The following TBC1D20 variants were observed in gnomAD, a reference collection of about 807,000 sequenced individuals.
The protein encoded by TBC1D20 is TBC1 domain family member 20, also known as chromosome 20 open reading frame 140.
A neutral mutation model predicts 41.6 loss-of-function variants in TBC1D20; 12 were observed. The observed-to-expected ratio is 0.29, with a 90% confidence interval of 0.18 to 0.47. The LOEUF (loss-of-function observed/expected upper bound fraction) is 0.47. TBC1D20 is among the 20% of genes least tolerant of loss of function. TBC1D20 has a pLI of 1.00. For missense variants in TBC1D20, 421 were observed against 517.4 expected (o/e 0.81, Z 1.81); for synonymous variants, 205 against 204.8 (o/e 1.00, Z -0.01).
chr20:444,491 C>A (rs1423077438), intron 3 of TBC1D20, among the ~76,000 whole-genome samples: 1 of 152,190 alleles, frequency 6.6e-6, no homozygotes, highest in East Asian at 1.9e-4. Context: ...AAAATTGAGA[C>A]AACGGTCCTT....
chr20:443,318 T>C (rs1021389493), intron 3 of TBC1D20, among the ~76,000 whole-genome samples: 1 of 152,084 alleles, frequency 6.6e-6, no homozygotes, highest in African/African-American at 2.4e-5. Flanking sequence ...TAGCTGGAAA[T>C]AGGGAAGCCT....
In TBC1D20 at chr20:462,496, G is replaced by T. The variant is rs1463073530; in HGVS notation, c.-91C>A. 4.2e-6 allele frequency: 3 copies of T among 707,406 alleles called. No individual in the cohort carries two copies. The highest frequency in any genetic ancestry group is 5.6e-6 in the Non-Finnish European group (3 of 537,602). 43.8% of individuals were successfully genotyped at this position (707,406 alleles called of 1,614,324 possible). On this transcript the variant is annotated 5_prime_UTR_variant, in exon 1 of 8. Coordinates refer to ENST00000354200, the MANE Select transcript of TBC1D20 (RefSeq NM_144628.4). ...CGACCGCGGGACGTAGCACCCGCTC[G>T]GCATCGGCAGGCTCCCCTCCGTCGG...
At chr20:449,885 C>T (rs2017413430) in intron 1 of TBC1D20, among the ~76,000 whole-genome samples, 2 of 152,200 alleles carry the variant, frequency 1.3e-5, no homozygotes, top group African/African-American at 4.8e-5. Context: ...GTGTAAGTAA[C>T]AAGCAAGGAA....
At chr20:444,975 C>CAT in intron 3 of TBC1D20, 75 bp downstream of exon 3, 1 of 1,349,466 alleles carries the variant, frequency 7.4e-7, no homozygotes, top group Non-Finnish European at 1.0e-6. Flanking sequence ...CAGGGTCCAG[C>CAT]ATATTAGGTC....
intron 3 of TBC1D20, among the ~76,000 whole-genome samples, chr20:444,449 G>A (rs1207911543): frequency 6.6e-6 from 1 of 152,206 alleles, no homozygotes; most frequent in Non-Finnish European, 1.5e-5. Context: ...GGTCATCCAT[G>A]TGAGGTTTGT....
intron 1 of TBC1D20, among the ~76,000 whole-genome samples, chr20:456,879 T>A (rs1008290166): frequency 1.3e-5 from 2 of 151,612 alleles, no homozygotes; most frequent in African/African-American, 4.8e-5. Flanking sequence ...AATGACTACT[T>A]CTAAAGCAGT....
intron 1 of TBC1D20, among the ~76,000 whole-genome samples, chr20:460,086 T>C (rs1378224040): frequency 6.6e-6 from 1 of 152,122 alleles, no homozygotes; most frequent in East Asian, 1.9e-4. Flanking sequence ...TGGAATCTCG[T>C]GTGAGCGTAC....
rs2017308043 is a variant in TBC1D20 at position 445,111 on chromosome 20, C to A, written c.276G>T (p.Met92Ile). 2 of 1,600,656 alleles carry A rather than the reference C, an allele frequency of 1.2e-6. No individual in the cohort carries two copies. Among genetic ancestry groups the A allele is most frequent in the Non-Finnish European group, 1.7e-6 (2 of 1,171,734 alleles). The change falls in exon 3 of 8, where the codon ATG (methionine) becomes ATT (isoleucine). Residue 92 changes from methionine to isoleucine, a missense_variant. By Grantham distance (10) the Met-to-Ile change is conservative. Transcript: ENST00000354200. ...PPISGKNLRQ[M>I]SKDYQQVLLD... ...GCAACACTTGTTGGTAGTCCTTGCT[C>A]ATCTGCCGTAGGTTCTTCCCTATTG... is the stretch of plus-strand genomic sequence containing the variant.
chr20:441,817 G>A (rs765729396), intron 4 of TBC1D20, 40 bp downstream of exon 4: 2 of 1,603,210 alleles, frequency 1.2e-6, no homozygotes, highest in South Asian at 1.1e-5. Context: ...GGACGGCTGA[G>A]GAGTGATGCC....
Position 438,355 on chromosome 20 carries a change from C to T in TBC1D20, c.*231G>A. On this transcript the variant is annotated 3_prime_UTR_variant, in exon 8 of 8. Transcript: ENST00000354200. ...GGTGGCAGAGAGCCCATCCAAAAGC[C>T]CACTGGGAGAGGCATAAGATTCTGT... The T allele has an allele frequency of 1.8e-6, 1 of 544,206 alleles. No homozygotes were observed. The highest frequency in any genetic ancestry group is 3.0e-5 in the East Asian group (1 of 33,040). The allele number at this position is 544,206 out of a possible 1,614,324, so 33.7% of individuals were successfully genotyped here.
chr20:440,141 G>T, intron 6 of TBC1D20, 107 bp downstream of exon 6: 1 of 1,409,690 alleles, frequency 7.1e-7, no homozygotes, highest in Non-Finnish European at 9.6e-7. Context: ...CCTGGGAAGT[G>T]CTGTCTTTTG....
At chr20:444,626 T>A (rs999786828) in intron 3 of TBC1D20, among the ~76,000 whole-genome samples, 1 of 152,216 alleles carries the variant, frequency 6.6e-6, no homozygotes, top group Non-Finnish European at 1.5e-5. Context: ...AGGAATATAC[T>A]CTTACACAAA....
rs931571747 is a variant in TBC1D20 at position 438,401 on chromosome 20, C to G, written c.*185G>C. ...TCTGTGCCAGGCCCCCAGGTCCCCTCTGTGTCAGGTAGGCTCTGCTACTGG... is the reference window on the plus strand; with the variant it reads ...TCTGTGCCAGGCCCCCAGGTCCCCTGTGTGTCAGGTAGGCTCTGCTACTGG... On this transcript the variant is annotated 3_prime_UTR_variant, in exon 8 of 8. Coordinates refer to ENST00000354200, the MANE Select transcript of TBC1D20 (RefSeq NM_144628.4). 1 of 666,536 alleles carries G rather than the reference C, an allele frequency of 1.5e-6. No homozygotes were observed. The highest frequency in any genetic ancestry group is 1.8e-5 in the African/African-American group (1 of 55,334). The allele number at this position is 666,536 out of a possible 1,614,324, so 41.3% of individuals were successfully genotyped here. A position where few individuals can be genotyped will look rare whatever the true frequency, so the allele number is the denominator to read the frequency against.
chr20:460,130 C>T (rs1045177544), intron 1 of TBC1D20, among the ~76,000 whole-genome samples: 25 of 151,954 alleles, frequency 1.6e-4, no homozygotes, highest in Non-Finnish European at 1.3e-4. Context: ...TTTAAGCCTG[C>T]ATTATCATAA....
At chr20:456,454 G>A (rs2017541391) in intron 1 of TBC1D20, among the ~76,000 whole-genome samples, 1 of 152,166 alleles carries the variant, frequency 6.6e-6, no homozygotes. Context: ...ATAAAAAGAT[G>A]AATTACTCCC....
At chr20:456,133 C>T (rs963131821) in intron 1 of TBC1D20, among the ~76,000 whole-genome samples, 4 of 151,592 alleles carry the variant, frequency 2.6e-5, no homozygotes, top group African/African-American at 9.7e-5. Context: ...AATAGGTGGG[C>T]GTGACGGCGT....
intron 2 of TBC1D20, among the ~76,000 whole-genome samples, 163 bp downstream of exon 2, chr20:447,726 G>A (rs576663409): frequency 3.9e-5 from 6 of 152,138 alleles, no homozygotes; most frequent in Admixed American, 2.6e-4. Flanking sequence ...TCTACTTATC[G>A]GTTTGGCCTT....
Position 439,031 on chromosome 20 carries a change from C to T in TBC1D20, c.956+77G>A, listed in dbSNP as rs1477873215. The T allele has an allele frequency of 1.3e-6, 2 of 1,532,066 alleles. No individual in the cohort carries two copies. Among genetic ancestry groups the T allele is most frequent in the East Asian group, 2.3e-5 (1 of 44,268 alleles). 94.9% of individuals were successfully genotyped at this position (1,532,066 alleles called of 1,614,324 possible). A position where few individuals can be genotyped will look rare whatever the true frequency, so the allele number is the denominator to read the frequency against. ...TCTGGAAACATGCCCCAACCCTATCCCACCAGACACAAACCTTCCCTCGCT... is the reference window on the plus strand; with the variant it reads ...TCTGGAAACATGCCCCAACCCTATCTCACCAGACACAAACCTTCCCTCGCT... On this transcript the variant is annotated intron_variant, in intron 7 of 7. Coordinates refer to ENST00000354200, the MANE Select transcript of TBC1D20 (RefSeq NM_144628.4). The surrounding 1 kb of genome is among the most constrained non-coding windows in gnomAD (Gnocchi z 4.6).
intron 3 of TBC1D20, 62 bp downstream of exon 3, chr20:444,988 A>G (rs1268858592): frequency 2.7e-6 from 4 of 1,460,504 alleles, no homozygotes; most frequent in Non-Finnish European, 3.8e-6. Context: ...ATTAGGTCAC[A>G]TGGTATGACC....
Sources: gnomAD v4.1 joint callset for allele counts (sites outside exome capture counted in the v4.1 genomes callset) on GRCh38, gnomAD v4.1.1 for gene constraint, Gnocchi (gnomAD v3.1) non-coding constraint, MANE v1.5 for transcripts, NCBI Gene and HGNC (gene_info 2026-07-23, HGNC 2026-07-21) for gene names.